Variants in GLCCI1 observed in about 807,000 individuals in gnomAD.
GLCCI1 encodes glucocorticoid induced 1.
GLCCI1 carries 24 observed loss-of-function variants against 52.2 expected under a neutral mutation model. The observed-to-expected ratio is 0.46, with a 90% CI of 0.33 to 0.65. GLCCI1 has a LOEUF of 0.65. Ranked by LOEUF, GLCCI1 falls within the 30% of genes least tolerant of loss-of-function variation. GLCCI1 has a pLI of 0.02. For missense variants in GLCCI1, 704 were observed against 701.5 expected (o/e 1.00, Z -0.04); for synonymous variants, 310 against 276.5 (o/e 1.12, Z -1.20).
chr7:8,002,514 A>G (rs2115425831), intron 1 of GLCCI1, among the ~76,000 whole-genome samples: 2 of 152,320 alleles, frequency 1.3e-5, no homozygotes, highest in East Asian at 3.9e-4. Context: ...TTTTCTATCA[A>G]TTCTTGGGTC....
At chr7:8,060,840 G>C (rs1415867195) in intron 5 of GLCCI1, among the ~76,000 whole-genome samples, 2 of 152,082 alleles carry the variant, frequency 1.3e-5, no homozygotes, top group Admixed American at 6.6e-5. Flanking sequence ...TATATACCTA[G>C]GGTTGGAAAT....
intron 1 of GLCCI1, among the ~76,000 whole-genome samples, chr7:8,001,402 G>A (rs1781046795): frequency 6.6e-6 from 1 of 152,154 alleles, no homozygotes; most frequent in African/African-American, 2.4e-5. Flanking sequence ...AAACCACAAT[G>A]AGATACTATC....
intron 3 of GLCCI1, among the ~76,000 whole-genome samples, chr7:8,042,696 G>C (rs1442968383): frequency 6.6e-6 from 1 of 152,180 alleles, no homozygotes; most frequent in Non-Finnish European, 1.5e-5. Flanking sequence ...GATCAAATTT[G>C]CATGAATGAG....
chr7:7,969,542 C>G lies in GLCCI1; in HGVS notation c.192C>G (p.Ile64Met), dbSNP rs572463389. The change falls in exon 1 of 8, where the codon ATC (isoleucine) becomes ATG (methionine). Residue 64 changes from isoleucine (I) to methionine (M), a missense_variant. By Grantham distance (10) the Ile-to-Met change is conservative (BLOSUM62 1). Around this residue, in one of 3 missense-constraint regions of GLCCI1, gnomAD observed 547 missense variants for 524.8 expected, o/e 1.04. Coordinates refer to ENST00000223145, the MANE Select transcript of GLCCI1 (RefSeq NM_138426.4). This position sits in a 1 kb window ranked among gnomAD's most constrained non-coding sequence, Gnocchi z 4.9. Reference sequence around the variant, plus strand: ...GAGCCGGCCGGCTGCTGCAGCCCATCCGCGCCACGGTGCCCTACCAGCTCT... The same window carrying G: ...GAGCCGGCCGGCTGCTGCAGCCCATGCGCGCCACGGTGCCCTACCAGCTCT... ...AAGAGRLLQP[I>M]RATVPYQLLR... The G allele has an allele frequency of 6.0e-4, 599 of 995,466 alleles. 3 individuals carry two copies. The African/African-American group carries it at 9.9e-3, about 16-fold the overall frequency. The allele number at this position is 995,466 out of a possible 1,614,324, so 61.7% of individuals were successfully genotyped here. A position where few individuals can be genotyped will look rare whatever the true frequency, so the allele number is the denominator to read the frequency against.
At chr7:7,995,492 A>G (rs1403685585) in intron 1 of GLCCI1, among the ~76,000 whole-genome samples, 1 of 152,238 alleles carries the variant, frequency 6.6e-6, no homozygotes. Context: ...TCTGGGTGAC[A>G]GAGCAACCCA....
At chr7:8,026,223 C>T (rs1382388709) in intron 3 of GLCCI1, among the ~76,000 whole-genome samples, 2 of 151,434 alleles carry the variant, frequency 1.3e-5, no homozygotes, top group Admixed American at 6.6e-5. Flanking sequence ...CATTATAATC[C>T]CTAGAGCAGT....
chr7:8,068,813 G>A (rs973993988), intron 5 of GLCCI1, among the ~76,000 whole-genome samples: 1 of 152,078 alleles, frequency 6.6e-6, no homozygotes, highest in Non-Finnish European at 1.5e-5. Context: ...TGACTTTTCG[G>A]GATGTTTTTA....
chr7:8,072,458 G>A (rs1782784414), intron 6 of GLCCI1, among the ~76,000 whole-genome samples: 1 of 152,048 alleles, frequency 6.6e-6, no homozygotes, highest in African/African-American at 2.4e-5. Context: ...GGCTTCATGT[G>A]GGAAGTCTCC....
intron 6 of GLCCI1, 96 bp from the exon 7 acceptor site, chr7:8,084,801 C>A: frequency 1.7e-6 from 2 of 1,185,106 alleles, no homozygotes; most frequent in Non-Finnish European, 2.4e-6. Flanking sequence ...AGCATAGGGG[C>A]AGTAGTGGAT....
chr7:7,990,997 T>C (rs970039569), intron 1 of GLCCI1, among the ~76,000 whole-genome samples: 2 of 152,090 alleles, frequency 1.3e-5, no homozygotes, highest in Non-Finnish European at 2.9e-5. Flanking sequence ...CTACATTATT[T>C]TGCATTGAGC....
At chr7:8,081,439 G>A (rs1317981521) in intron 6 of GLCCI1, among the ~76,000 whole-genome samples, 1 of 152,116 alleles carries the variant, frequency 6.6e-6, no homozygotes, top group East Asian at 1.9e-4. Context: ...AACCATGGCA[G>A]AGATTTTACA....
chr7:7,976,505 G>GAAAAAAAAA (rs1562413230), intron 1 of GLCCI1, among the ~76,000 whole-genome samples: 17 of 87,550 alleles, frequency 1.9e-4, no homozygotes, highest in African/African-American at 5.5e-4. Context: ...AAAAGGAAAG[G>GAAAAAAAAA]AAAAAGGAAA....
intron 4 of GLCCI1, among the ~76,000 whole-genome samples, chr7:8,058,432 C>T (rs1782447907): frequency 6.6e-6 from 1 of 151,878 alleles, no homozygotes; most frequent in East Asian, 1.9e-4. Context: ...AAGCAGGGCC[C>T]ATTAATAGAA....
chr7:7,981,274 T>A (rs975027511), intron 1 of GLCCI1: 3 of 249,446 alleles, frequency 1.2e-5, no homozygotes, highest in Non-Finnish European at 2.3e-5. Context: ...TTTTCTTTCT[T>A]TCTTTCTTTC....
Position 7,968,874 on chromosome 7 carries a change from C to T in GLCCI1, c.-477C>T, listed in dbSNP as rs545035271. ...TTGCGGTGGCGCGGACTCCGAGGAG[C>T]GCCAGCACCTCGAGGCCCTTTCTCT... On this transcript the variant is annotated 5_prime_UTR_variant, in exon 1 of 8. Coordinates refer to ENST00000223145, the MANE Select transcript of GLCCI1 (RefSeq NM_138426.4). 8.2e-5 allele frequency: 13 copies of T among 158,886 alleles called. No homozygotes were observed. The South Asian group carries it at 1.6e-3, about 19-fold the overall frequency. The allele number at this position is 158,886 out of a possible 1,614,324, so 9.8% of individuals were successfully genotyped here.
intron 1 of GLCCI1, among the ~76,000 whole-genome samples, chr7:8,002,065 T>C (rs1295577240): frequency 6.6e-6 from 1 of 151,902 alleles, no homozygotes; most frequent in Non-Finnish European, 1.5e-5. Flanking sequence ...CTGCACATTG[T>C]GCACATGTAC....
chr7:8,005,457 T>A (rs981318641), intron 2 of GLCCI1, among the ~76,000 whole-genome samples: 1 of 152,144 alleles, frequency 6.6e-6, no homozygotes, highest in African/African-American at 2.4e-5. Flanking sequence ...TTATAACCTG[T>A]TTCATTTAAT....
At position 7,986,544 on chromosome 7, in the gene GLCCI1, A is replaced by C. The variant is rs1780737259; in HGVS notation, c.457+16737A>C. On this transcript the variant is annotated intron_variant, in intron 1 of 7. Transcript: ENST00000223145. Reference sequence around the variant, plus strand: ...TGACTCAAAAAAGAAAAAAAAGAAAAAGTGACCTAGTGTATTTTTCTGTGT... The same window carrying C: ...TGACTCAAAAAAGAAAAAAAAGAAACAGTGACCTAGTGTATTTTTCTGTGT... 2.0e-5 allele frequency among the ~76,000 whole-genome samples: 3 copies of C among 149,098 alleles called. No individual in the cohort carries two copies. In the South Asian group the frequency reaches 6.3e-4, roughly 31 times the overall value.
At chr7:7,981,801 G>C (rs1448246462) in intron 1 of GLCCI1, 3 of 410,014 alleles carry the variant, frequency 7.3e-6, no homozygotes, top group Non-Finnish European at 9.6e-6. Flanking sequence ...CATCTAATTT[G>C]GTTCTGAAAG....
Sources: allele counts gnomAD v4.1 joint callset (sites outside exome capture counted in the v4.1 genomes callset), GRCh38; gene constraint gnomAD v4.1.1; regional missense constraint gnomAD v4.1.1; non-coding constraint Gnocchi (gnomAD v3.1); transcripts MANE v1.5; gene names NCBI Gene and HGNC (gene_info 2026-07-23, HGNC 2026-07-21).